Variants in DHX32 observed in about 807,000 individuals in gnomAD.
DHX32 encodes DEAH-box helicase 32 (putative), also known as putative pre-mRNA-splicing factor ATP-dependent RNA helicase DHX32.
A neutral mutation model predicts 70.0 loss-of-function variants in DHX32; 51 were observed. That is an observed-to-expected ratio of 0.73 (90% CI 0.58 to 0.92). The LOEUF (loss-of-function observed/expected upper bound fraction) is 0.92. Among genes scored for constraint, DHX32 ranks in the 40% least tolerant of loss-of-function variants. The pLI is 0.00. For missense variants in DHX32, 762 were observed against 891.8 expected (o/e 0.85, Z 1.85); for synonymous variants, 310 against 315.3 (o/e 0.98, Z 0.18).
intron 6 of DHX32, among the ~76,000 whole-genome samples, chr10:125,844,445 A>G (rs1004095564): frequency 1.3e-5 from 2 of 152,246 alleles, no homozygotes; most frequent in Non-Finnish European, 1.5e-5. Context: ...GGCCGCACAC[A>G]GGGTTAGTAA....
intron 3 of DHX32, among the ~76,000 whole-genome samples, chr10:125,855,159 T>C (rs1203162641): frequency 6.6e-6 from 1 of 150,650 alleles, no homozygotes; most frequent in Non-Finnish European, 1.5e-5. Flanking sequence ...GAGACAGAGG[T>C]TGCAGCGAGC....
intron 6 of DHX32, chr10:125,842,148 C>G (rs1854899504): frequency 3.2e-6 from 2 of 628,706 alleles, no homozygotes; most frequent in Non-Finnish European, 4.9e-6. Flanking sequence ...AGCTCATGCT[C>G]CGAGGAGGGT....
chr10:125,841,593 A>C, intron 7 of DHX32, 150 bp downstream of exon 7: 4 of 1,446,670 alleles, frequency 2.8e-6, no homozygotes, highest in Non-Finnish European at 3.6e-6. Context: ...CTAACCTATT[A>C]AAATACCTCA....
At chr10:125,847,034 G>C (rs1316932820) in intron 6 of DHX32, among the ~76,000 whole-genome samples, 1 of 152,156 alleles carries the variant, frequency 6.6e-6, no homozygotes, top group Non-Finnish European at 1.5e-5. Flanking sequence ...AGCAAATGAA[G>C]TTTCTGTTTC....
In DHX32 at chr10:125,877,117, T is replaced by C. The variant is rs569697185; in HGVS notation, c.282+3426A>G. On this transcript the variant is annotated intron_variant, in intron 1 of 10. Transcript: ENST00000284690. ...TTGGGGAATCTGGGTGAACAACATATGGAAAATCTTTGTACTATTTTTGCA... is the reference window on the plus strand; with the variant it reads ...TTGGGGAATCTGGGTGAACAACATACGGAAAATCTTTGTACTATTTTTGCA... 2.0e-5 allele frequency among the ~76,000 whole-genome samples: 3 copies of C among 152,310 alleles called. No individual in the cohort carries two copies. The South Asian group carries it at 6.2e-4, about 32-fold the overall frequency.
At chr10:125,852,151 G>T in intron 6 of DHX32, 142 bp downstream of exon 6, 2 of 1,011,018 alleles carry the variant, frequency 2.0e-6, no homozygotes, top group Non-Finnish European at 2.8e-6. Flanking sequence ...TTTACCTCTA[G>T]CAGGAAAATG....
In DHX32 at chr10:125,878,632, T is replaced by C. The variant is rs117997322; in HGVS notation, c.282+1911A>G. 9.1e-3 allele frequency among the ~76,000 whole-genome samples: 1,380 copies of C among 152,294 alleles called. 11 individuals carry two copies. The highest frequency in any genetic ancestry group is 0.017 in the Middle Eastern group (5 of 294). The stretch of plus-strand genomic sequence containing the variant: ...TACAGGGAGCCTCAGATAAGAGTTA[T>C]GAAGGACAGAGAAAATTATTACTTT... On this transcript the variant is annotated intron_variant, in intron 1 of 10. Coordinates refer to ENST00000284690, the MANE Select transcript of DHX32 (RefSeq NM_018180.3).
chr10:125,853,232 G>T, intron 4 of DHX32: 1 of 1,606,124 alleles, frequency 6.2e-7, no homozygotes, highest in Non-Finnish European at 8.5e-7. Flanking sequence ...TGTTGGAATT[G>T]CTCTGTCATA....
Position 125,880,521 on chromosome 10 carries a change from A to G in DHX32, c.282+22T>C. On this transcript the variant is annotated intron_variant, in intron 1 of 10. Transcript: ENST00000284690. ...AAAAAATCAACACATACAGCAAATT[A>G]TTTTTTGTAGTGGTTACTCACCTGA... The G allele has an allele frequency of 3.2e-6, 5 of 1,554,234 alleles. No individual in the cohort carries two copies. In the South Asian group the frequency reaches 5.0e-5, roughly 15 times the overall value.
At chr10:125,885,288 T>C (rs1944335824), upstream of DHX32, among the ~76,000 whole-genome samples, 1 of 152,262 alleles carries the variant, frequency 6.6e-6, no homozygotes, top group East Asian at 1.9e-4. Context: ...AAGATGTGCA[T>C]GTAGGAATCC....
In DHX32 at chr10:125,866,462, CA is replaced by C. The variant is rs1271147005; in HGVS notation, c.476+527del. Among the ~76,000 whole-genome samples, 1 of 152,180 alleles carries C rather than the reference CA, an allele frequency of 6.6e-6. No individual in the cohort carries two copies. Among genetic ancestry groups the C allele is most frequent in the Non-Finnish European group, 1.5e-5 (1 of 68,026 alleles). On this transcript the variant is annotated intron_variant, in intron 2 of 10. Transcript: ENST00000284690. The surrounding 1 kb of genome is among the most constrained non-coding windows in gnomAD (Gnocchi z 4.8). The stretch of plus-strand genomic sequence containing the variant: ...AAGCTGCTATGATGCAGGCTGACAC[CA>C]AGTTTTCCAGAAGCCCCACAGAGGG...
At chr10:125,865,966 G>C (rs1030171267) in intron 2 of DHX32, among the ~76,000 whole-genome samples, 7 of 152,222 alleles carry the variant, frequency 4.6e-5, no homozygotes, top group Non-Finnish European at 1.0e-4. Context: ...ATATGAGCAC[G>C]TGAAAAACCA....
chr10:125,853,435 A>G (rs1944117867), intron 4 of DHX32: 1 of 319,280 alleles, frequency 3.1e-6, no homozygotes, highest in African/African-American at 2.1e-5. Flanking sequence ...ATTTAAAAGT[A>G]ATAAAGAATA....
At chr10:125,840,396 GCCTACCTATT>G (rs1390724752) in intron 8 of DHX32, among the ~76,000 whole-genome samples, 7 of 152,208 alleles carry the variant, frequency 4.6e-5, no homozygotes, top group Non-Finnish European at 5.9e-5. Flanking sequence ...CAGCACCCCA[GCCTACCTATT>G]CTGCACTAGT....
At chr10:125,863,696 G>A (rs957930442) in intron 2 of DHX32, among the ~76,000 whole-genome samples, 4 of 152,022 alleles carry the variant, frequency 2.6e-5, no homozygotes, top group Non-Finnish European at 2.9e-5. Flanking sequence ...GGATCTGCCC[G>A]CCTTGGCTTC....
At chr10:125,889,336 A>G (rs1423921366) in intron 1 of DHX32, among the ~76,000 whole-genome samples, 1 of 152,222 alleles carries the variant, frequency 6.6e-6, no homozygotes, top group East Asian at 1.9e-4. Flanking sequence ...CTGAACTCAT[A>G]AACAATATAC....
At chr10:125,885,173 C>T (rs149884132), upstream of DHX32, among the ~76,000 whole-genome samples, 457 of 152,236 alleles carry the variant, frequency 3.0e-3, 2 homozygotes, top group Non-Finnish European at 5.4e-3. Flanking sequence ...TAATTCCTTC[C>T]TTCCCATTGC....
intron 2 of DHX32, among the ~76,000 whole-genome samples, chr10:125,860,181 T>TATATGTTC (rs1207141234): frequency 1.3e-5 from 2 of 152,178 alleles, no homozygotes; most frequent in Non-Finnish European, 2.9e-5. Flanking sequence ...ACCCAGTTTG[T>TATATGTTC]ATATGTTCAT....
At chr10:125,838,418 T>A (rs760941914) in intron 9 of DHX32, 31 bp from the exon 10 acceptor site, 4 of 1,532,128 alleles carry the variant, frequency 2.6e-6, no homozygotes, top group Non-Finnish European at 3.5e-6. Flanking sequence ...GAAAAAAGAT[T>A]TTGTATTAAT....
Sources: allele counts gnomAD v4.1 joint callset (sites outside exome capture counted in the v4.1 genomes callset), GRCh38; gene constraint gnomAD v4.1.1; non-coding constraint Gnocchi (gnomAD v3.1); transcripts MANE v1.5; gene names NCBI Gene and HGNC (gene_info 2026-07-23, HGNC 2026-07-21).